PSD2: variants seen among roughly 807,000 people sequenced by gnomAD.
The protein encoded by PSD2 is PH and SEC7 domain-containing protein 2.
Under a neutral mutation model 69.8 loss-of-function variants are expected in PSD2, and 38 were observed. That is an observed-to-expected ratio of 0.54 (90% confidence interval 0.42 to 0.71). PSD2 has a LOEUF of 0.71. Among genes scored for constraint, PSD2 ranks in the 30% least tolerant of loss-of-function variants. PSD2 has a pLI of 0.00. For missense variants in PSD2, 943 were observed against 1,014.5 expected (o/e 0.93, Z 0.96); for synonymous variants, 412 against 423.0 (o/e 0.97, Z 0.32).
chr5:139,825,184 A>G (rs970666505), intron 7 of PSD2, among the ~76,000 whole-genome samples: 2 of 152,248 alleles, frequency 1.3e-5, no homozygotes, highest in Non-Finnish European at 2.9e-5. Context: ...GGGCACACAC[A>G]GGAAGGTGTG....
At chr5:139,799,158 A>C (rs186862454) in intron 1 of PSD2, among the ~76,000 whole-genome samples, 1 of 152,278 alleles carries the variant, frequency 6.6e-6, no homozygotes, top group African/African-American at 2.4e-5. Flanking sequence ...GTCCTGTAGT[A>C]GGTGGTGGTA....
chr5:139,803,019 T>C (rs1759712850), intron 1 of PSD2, among the ~76,000 whole-genome samples: 1 of 152,190 alleles, frequency 6.6e-6, no homozygotes, highest in Admixed American at 6.5e-5. Flanking sequence ...AGGTGGGGGC[T>C]GGTTATCACT....
chr5:139,804,504 C>T (rs575325066), intron 1 of PSD2, among the ~76,000 whole-genome samples: 1 of 152,226 alleles, frequency 6.6e-6, no homozygotes, highest in South Asian at 2.1e-4. Flanking sequence ...ACAAAGAGGT[C>T]CAGGACTTGG....
the PSD2 span, among the ~76,000 whole-genome samples, chr5:139,767,549 A>G: frequency 1.3e-5 from 2 of 151,124 alleles, no homozygotes; most frequent in Admixed American, 6.6e-5. Context: ...TCCTGATCTC[A>G]AGTGATCTGC....
the PSD2 span, among the ~76,000 whole-genome samples, chr5:139,786,561 C>G: frequency 6.6e-6 from 1 of 152,164 alleles, no homozygotes; most frequent in Non-Finnish European, 1.5e-5. Flanking sequence ...GGACAAATCC[C>G]CACCCACCAT....
intron 4 of PSD2, among the ~76,000 whole-genome samples, chr5:139,817,076 CT>C (rs1760139298): frequency 6.6e-6 from 1 of 152,362 alleles, no homozygotes; most frequent in African/African-American, 2.4e-5. Context: ...ACCATCCCTG[CT>C]TTAACCTTTC....
At chr5:139,766,122 G>A in the PSD2 span, among the ~76,000 whole-genome samples, 9 of 152,184 alleles carry the variant, frequency 5.9e-5, no homozygotes, top group Non-Finnish European at 1.2e-4. Flanking sequence ...GAGGGACCGC[G>A]GAGCAGAATG....
the PSD2 span, among the ~76,000 whole-genome samples, chr5:139,766,928 C>T: frequency 0.096 from 3,007 of 31,186 alleles, 281 homozygotes; most frequent in South Asian, 0.15. Context: ...TTCCTTCCTT[C>T]CCTTCTTTCT....
chr5:139,789,538 C>G, the PSD2 span, among the ~76,000 whole-genome samples: 47 of 152,284 alleles, frequency 3.1e-4, no homozygotes, highest in African/African-American at 8.9e-4. Flanking sequence ...AGATCATGCC[C>G]CTGCATTCCA....
At chr5:139,768,664 T>G in the PSD2 span, among the ~76,000 whole-genome samples, 1 of 150,298 alleles carries the variant, frequency 6.7e-6, no homozygotes, top group Admixed American at 6.6e-5. Flanking sequence ...CAGAGGTTGC[T>G]GTGAGCCGAG....
At chr5:139,748,227 G>A in the PSD2 span, among the ~76,000 whole-genome samples, 2 of 151,274 alleles carry the variant, frequency 1.3e-5, no homozygotes, top group African/African-American at 4.9e-5. Flanking sequence ...GGTTCGAGAG[G>A]CTGAGCTAGA....
At chr5:139,757,313 T>TGCC in the PSD2 span, among the ~76,000 whole-genome samples, 7 of 152,234 alleles carry the variant, frequency 4.6e-5, no homozygotes, top group Admixed American at 1.3e-4. Context: ...GCAAATCACC[T>TGCC]GCCACCACCA....
chr5:139,776,670 CTT>C, the PSD2 span, among the ~76,000 whole-genome samples: 2 of 132,968 alleles, frequency 1.5e-5, no homozygotes, highest in Admixed American at 7.3e-5. Flanking sequence ...TTCTGAGCTG[CTT>C]TTTTTTTTTT....
the PSD2 span, among the ~76,000 whole-genome samples, chr5:139,775,655 T>A: frequency 6.6e-6 from 1 of 152,106 alleles, no homozygotes; most frequent in Non-Finnish European, 1.5e-5. Context: ...TTTCTTCGCC[T>A]GTCTTCTCCT....
chr5:139,835,869 C>A, intron 9 of PSD2, 103 bp downstream of exon 9: 1 of 1,109,612 alleles, frequency 9.0e-7, no homozygotes, highest in Non-Finnish European at 1.4e-6. Flanking sequence ...TGGTGCTGAT[C>A]CCTCCCAATC....
At chr5:139,766,665 T>G in the PSD2 span, among the ~76,000 whole-genome samples, 1 of 152,114 alleles carries the variant, frequency 6.6e-6, no homozygotes, top group African/African-American at 2.4e-5. Flanking sequence ...GACTTAAAGG[T>G]CCTTAGAGAT....
chr5:139,781,511 AT>A, the PSD2 span, among the ~76,000 whole-genome samples: 1 of 150,354 alleles, frequency 6.7e-6, no homozygotes, highest in Non-Finnish European at 1.5e-5. Flanking sequence ...AATTTTTTGT[AT>A]TTTTAGTAGA....
the PSD2 span, among the ~76,000 whole-genome samples, chr5:139,767,459 C>T: frequency 1.3e-5 from 2 of 152,286 alleles, no homozygotes; most frequent in South Asian, 4.2e-4. Context: ...GGATTACAGG[C>T]ATGCACCACC....
the PSD2 span, among the ~76,000 whole-genome samples, chr5:139,747,303 C>A: frequency 6.6e-6 from 1 of 152,140 alleles, no homozygotes; most frequent in Admixed American, 6.5e-5. This position sits in a 1 kb window ranked among gnomAD's most constrained non-coding sequence, Gnocchi z 6.7. Flanking sequence ...TTACGACATC[C>A]CCTGGGCTGG....
Sources: allele counts gnomAD v4.1 joint callset (sites outside exome capture counted in the v4.1 genomes callset), GRCh38; gene constraint gnomAD v4.1.1; non-coding constraint Gnocchi (gnomAD v3.1); transcripts MANE v1.5; gene names NCBI Gene and HGNC (gene_info 2026-07-23, HGNC 2026-07-21).